NRG4: variants seen among roughly 807,000 people sequenced by gnomAD.
NRG4 encodes pro-neuregulin-4, membrane-bound isoform.
Under a neutral mutation model 15.0 loss-of-function variants are expected in NRG4, and 10 were observed. That is an observed-to-expected ratio of 0.67 (90% CI 0.41 to 1.13). The LOEUF is 1.13. Among genes scored for constraint, NRG4 ranks in the 50% most tolerant of loss-of-function variants. NRG4 has a pLI of 0.00. For synonymous variants in NRG4, 41 were observed against 50.1 expected (o/e 0.82, Z 0.77); for missense variants, 139 against 140.2 (o/e 0.99, Z 0.04).
chr15:75,981,567 G>C (rs1036314057), intron 3 of NRG4, among the ~76,000 whole-genome samples: 1 of 152,066 alleles, frequency 6.6e-6, no homozygotes, highest in Non-Finnish European at 1.5e-5. Flanking sequence ...AGGCCTAAGG[G>C]GCAGTAAGGA....
intron 5 of NRG4, among the ~76,000 whole-genome samples, chr15:75,954,983 A>G (rs1460676772): frequency 1.3e-5 from 2 of 151,972 alleles, no homozygotes; most frequent in African/African-American, 2.4e-5. Flanking sequence ...ACACCTTTCT[A>G]TGTACTCTAC....
chr15:75,977,357 G>A lies in NRG4; in HGVS notation c.105-15383C>T, dbSNP rs150558659. On this transcript the variant is annotated intron_variant, in intron 3 of 5. Transcript: ENST00000394907. This position sits in a 1 kb window ranked among gnomAD's most constrained non-coding sequence, Gnocchi z 4.9. Reference sequence around the variant, plus strand: ...GTTCTGTCTCACTGGTGTTGCAGGCGCCACTGGGGTATGAAAAACCCCTGC... The same window carrying A: ...GTTCTGTCTCACTGGTGTTGCAGGCACCACTGGGGTATGAAAAACCCCTGC... 9.9e-5 allele frequency among the ~76,000 whole-genome samples: 15 copies of A among 152,234 alleles called. No individual in the cohort carries two copies. The East Asian group carries it at 1.5e-3, about 16-fold the overall frequency.
chr15:76,030,879 C>G (rs1005687665), intron 5 of NRG4, among the ~76,000 whole-genome samples: 6 of 152,160 alleles, frequency 3.9e-5, no homozygotes, highest in African/African-American at 1.4e-4. Flanking sequence ...TTTCCCAACT[C>G]ATTTTTCTGA....
intron 5 of NRG4, among the ~76,000 whole-genome samples, chr15:76,026,244 TAC>T (rs1735371751): frequency 6.6e-6 from 1 of 152,300 alleles, no homozygotes; most frequent in East Asian, 1.9e-4. Flanking sequence ...CAATGCACAT[TAC>T]AGTCAAATTA....
chr15:75,945,587 A>G (rs1461736588), intron 5 of NRG4, among the ~76,000 whole-genome samples: 2 of 152,192 alleles, frequency 1.3e-5, no homozygotes, highest in African/African-American at 2.4e-5. Context: ...TAACAAACAA[A>G]AGACATGCTT....
intron 1 of NRG4, among the ~76,000 whole-genome samples, chr15:76,058,300 C>T (rs1004664065): frequency 5.3e-5 from 8 of 152,164 alleles, no homozygotes; most frequent in Non-Finnish European, 1.0e-4. Flanking sequence ...CCTTTGGCAA[C>T]CCAGGTAGCT....
chr15:75,949,508 T>C (rs1353684526), intron 5 of NRG4, among the ~76,000 whole-genome samples: 1 of 152,224 alleles, frequency 6.6e-6, no homozygotes, highest in African/African-American at 2.4e-5. Context: ...TTTATATCCA[T>C]TTGCAAATAT....
intron 4 of NRG4, among the ~76,000 whole-genome samples, chr15:76,043,857 T>G (rs1289974722): frequency 6.6e-6 from 1 of 152,142 alleles, no homozygotes; most frequent in Non-Finnish European, 1.5e-5. Context: ...AGAACAAAAC[T>G]GAATAAATCA....
Position 75,991,391 on chromosome 15 carries a change from T to G in NRG4, c.104+17809A>C, listed in dbSNP as rs533024492. Among the ~76,000 whole-genome samples the G allele has an allele frequency of 2.0e-5, 3 of 152,306 alleles. No homozygotes were observed. The East Asian group carries it at 5.8e-4, about 29-fold the overall frequency. On this transcript the variant is annotated intron_variant, in intron 3 of 5. Coordinates refer to ENST00000394907, the MANE Select transcript of NRG4 (RefSeq NM_138573.4). ...AAATGTAAAACTACTACTAACATCATACAAAAACAGGCGATGGGCAAGATT... is the reference window on the plus strand; with the variant it reads ...AAATGTAAAACTACTACTAACATCAGACAAAAACAGGCGATGGGCAAGATT...
At chr15:76,028,084 A>G (rs1174574783) in intron 5 of NRG4, among the ~76,000 whole-genome samples, 1 of 152,124 alleles carries the variant, frequency 6.6e-6, no homozygotes, top group Non-Finnish European at 1.5e-5. Flanking sequence ...GATTTCAAAT[A>G]AACAATTTAA....
At chr15:76,009,360 G>T in intron 2 of NRG4, 67 bp from the exon 3 acceptor site, 1 of 681,822 alleles carries the variant, frequency 1.5e-6, no homozygotes, top group Non-Finnish European at 2.4e-6. Context: ...ACAAGGAATA[G>T]GAATAACTAT....
At chr15:75,948,788 GCCTGTA>G (rs2031697718) in intron 5 of NRG4, among the ~76,000 whole-genome samples, 1 of 151,180 alleles carries the variant, frequency 6.6e-6, no homozygotes, top group African/African-American at 2.4e-5. Context: ...AGTGGCTCAT[GCCTGTA>G]ATCCCAGCAC....
At chr15:76,043,995 A>ATT (rs879424444) in intron 4 of NRG4, among the ~76,000 whole-genome samples, 1 of 147,364 alleles carries the variant, frequency 6.8e-6, no homozygotes. Flanking sequence ...ACATGAACTA[A>ATT]TTTTTTTTTT....
intron 3 of NRG4, among the ~76,000 whole-genome samples, chr15:75,984,264 G>A (rs965525002): frequency 1.1e-4 from 17 of 152,030 alleles, no homozygotes; most frequent in Non-Finnish European, 1.0e-4. Context: ...TGTTGATAAC[G>A]GGGGAGGCCT....
intron 3 of NRG4, among the ~76,000 whole-genome samples, chr15:75,984,209 A>G (rs2033708991): frequency 6.6e-6 from 1 of 152,152 alleles, no homozygotes; most frequent in African/African-American, 2.4e-5. Flanking sequence ...TGATGTGTTG[A>G]TGCAGGTTCC....
At chr15:75,951,416 C>G (rs890877647) in intron 5 of NRG4, among the ~76,000 whole-genome samples, 11 of 152,152 alleles carry the variant, frequency 7.2e-5, no homozygotes, top group Admixed American at 1.3e-4. Flanking sequence ...GGTCTGCCCC[C>G]CTTGGCCTCC....
chr15:75,955,792 CAAAAA>C (rs11341073), intron 5 of NRG4, 135 bp downstream of exon 5: 73 of 302,982 alleles, frequency 2.4e-4, no homozygotes, highest in South Asian at 3.5e-4. Flanking sequence ...GGTACCTGGC[CAAAAA>C]AAAAAAAAAA....
At chr15:76,060,094 G>A (rs1333459331), upstream of NRG4, 1 of 146,814 alleles carries the variant, frequency 6.8e-6, no homozygotes, top group Non-Finnish European at 1.5e-5. Context: ...GGCGGGGGGT[G>A]GGGGGACCGG....
At chr15:75,972,885 T>C (rs1307011837) in intron 3 of NRG4, among the ~76,000 whole-genome samples, 1 of 152,170 alleles carries the variant, frequency 6.6e-6, no homozygotes, top group Non-Finnish European at 1.5e-5. Flanking sequence ...AAATTTAAAG[T>C]AGGTTTTTCT....
Sources: gnomAD v4.1 joint callset for allele counts (sites outside exome capture counted in the v4.1 genomes callset) on GRCh38, gnomAD v4.1.1 for gene constraint, Gnocchi (gnomAD v3.1) non-coding constraint, MANE v1.5 for transcripts, NCBI Gene and HGNC (gene_info 2026-07-23, HGNC 2026-07-21) for gene names.